Variants in ZNF839 observed in about 807,000 individuals in gnomAD.
The protein encoded by ZNF839 is renal carcinoma antigen NY-REN-50.
Under a neutral mutation model 56.4 loss-of-function variants are expected in ZNF839, and 38 were observed. The ratio of observed to expected loss-of-function variants is 0.67; its 90% CI spans 0.52 to 0.88. The LOEUF is 0.88. Among genes scored for constraint, ZNF839 ranks in the 40% least tolerant of loss-of-function variants. ZNF839 has a pLI of 0.00. For synonymous variants in ZNF839, 486 were observed against 493.5 expected (o/e 0.98, Z 0.20); for missense variants, 1,091 against 1,177.6 (o/e 0.93, Z 1.08).
intron 5 of ZNF839, among the ~76,000 whole-genome samples, chr14:102,337,964 T>C (rs1043552363): frequency 6.6e-6 from 1 of 152,200 alleles, no homozygotes; most frequent in African/African-American, 2.4e-5. Context: ...CTTGTCTGGA[T>C]AAGTCAGGGA....
chr14:102,319,040 TAA>T (rs1465233253), upstream of ZNF839, among the ~76,000 whole-genome samples: 1 of 152,154 alleles, frequency 6.6e-6, no homozygotes, highest in East Asian at 1.9e-4. This position sits in a 1 kb window ranked among gnomAD's most constrained non-coding sequence, Gnocchi z 4.5. Context: ...GCCTCAACCG[TAA>T]GAAGGAGAGG....
intron 1 of ZNF839, among the ~76,000 whole-genome samples, chr14:102,325,021 C>T (rs1467921301): frequency 1.3e-5 from 2 of 152,190 alleles, no homozygotes; most frequent in East Asian, 3.9e-4. Flanking sequence ...GTCATGAAAT[C>T]AACTTAGTGG....
At chr14:102,340,574 C>A (rs1025955287) in intron 7 of ZNF839, among the ~76,000 whole-genome samples, 3 of 152,094 alleles carry the variant, frequency 2.0e-5, no homozygotes, top group Non-Finnish European at 4.4e-5. Flanking sequence ...CGTGCCCAGC[C>A]TGATGGTGAT....
At chr14:102,339,530 A>G (rs1473893623) in intron 7 of ZNF839, among the ~76,000 whole-genome samples, 3 of 152,158 alleles carry the variant, frequency 2.0e-5, no homozygotes, top group African/African-American at 7.2e-5. Flanking sequence ...GGATCACCTG[A>G]CGTCGGGAAT....
At chr14:102,324,330 G>A (rs551892380) in intron 1 of ZNF839, among the ~76,000 whole-genome samples, 1 of 152,240 alleles carries the variant, frequency 6.6e-6, no homozygotes, top group East Asian at 1.9e-4. Context: ...AGATCATGAG[G>A]TCAGGAGTTT....
chr14:102,341,513 T>C lies in ZNF839; in HGVS notation c.2118T>C (p.Tyr706=), dbSNP rs1346528891. The part of the protein sequence containing the change: ...SSRDVSGLPV[Y]AQSGEPRRLT... Reference sequence around the variant, plus strand: ...GGGATGTCAGTGGGCTGCCTGTTTATGCTCAGTCAGGAGAGCCTAGGAGGC... The same window carrying C: ...GGGATGTCAGTGGGCTGCCTGTTTACGCTCAGTCAGGAGAGCCTAGGAGGC... Residue 706 remains tyrosine (Y), a synonymous_variant, in exon 8 of 8, where the codon TAT becomes TAC. Transcript: ENST00000442396. The C allele has an allele frequency of 1.2e-6, 2 of 1,603,950 alleles. No individual in the cohort carries two copies. Among genetic ancestry groups the C allele is most frequent in the African/African-American group, 1.3e-5 (1 of 74,774 alleles).
chr14:102,328,381 T>A (rs1234280665), intron 2 of ZNF839, among the ~76,000 whole-genome samples: 641 of 48,764 alleles, frequency 0.013, 6 homozygotes, highest in African/African-American at 0.032. Flanking sequence ...AAAAAATATA[T>A]ATATATATAT....
rs1597740563 is a variant in ZNF839, at chr14:102,342,003, A to G, written c.2608A>G (p.Met870Val). ...GAGCGTGGTTGCTGTCGGCGAAGCCATGGCTTTTGAAATTTCCAATGGGAG... is the reference window on the plus strand; with the variant it reads ...GAGCGTGGTTGCTGTCGGCGAAGCCGTGGCTTTTGAAATTTCCAATGGGAG... ...LESVVAVGEAMAFEISNGSHE... is the reference protein window; with the variant it reads ...LESVVAVGEAVAFEISNGSHE... The change falls in exon 8 of 8, where the codon ATG becomes GTG. Residue 870 changes from methionine (M) to valine (V), a missense_variant. Met to Val is a conservative substitution (Grantham distance 21). Around this residue, in one of 3 missense-constraint regions of ZNF839, gnomAD observed 431 missense variants for 468.0 expected, o/e 0.92. Transcript: ENST00000442396. 1.2e-6 allele frequency: 2 copies of G among 1,614,032 alleles called. No individual in the cohort carries two copies. The highest frequency in any genetic ancestry group is 8.5e-7 in the Non-Finnish European group (1 of 1,179,872).
chr14:102,319,484 T>C (rs138100902), upstream of ZNF839: 1,127 of 291,526 alleles, frequency 3.9e-3, 25 homozygotes, highest in East Asian at 0.037. The surrounding 1 kb of genome is among the most constrained non-coding windows in gnomAD (Gnocchi z 4.5). Context: ...CCCGAAGACC[T>C]CCCCCTGGGA....
intron 2 of ZNF839, among the ~76,000 whole-genome samples, chr14:102,328,266 T>C (rs2139501022): frequency 6.8e-6 from 1 of 146,532 alleles, no homozygotes; most frequent in African/African-American, 2.5e-5. Flanking sequence ...AGGCAGGAGA[T>C]TTGCTTGAAC....
At chr14:102,335,961 T>G in intron 5 of ZNF839, 123 bp downstream of exon 5, 1 of 1,146,304 alleles carries the variant, frequency 8.7e-7, no homozygotes. Flanking sequence ...GGTGGATCAC[T>G]TGAGGTCAGG....
chr14:102,319,675 G>A (rs1597702748), upstream of ZNF839: 4 of 1,209,276 alleles, frequency 3.3e-6, no homozygotes, highest in East Asian at 1.3e-4. The surrounding 1 kb of genome is among the most constrained non-coding windows in gnomAD (Gnocchi z 4.5). Context: ...CTTGGCCTGC[G>A]AGGCACTCGT....
chr14:102,336,043 G>A (rs1233317704), intron 5 of ZNF839, among the ~76,000 whole-genome samples: 1 of 152,154 alleles, frequency 6.6e-6, no homozygotes, highest in Non-Finnish European at 1.5e-5. Flanking sequence ...GCTGGGCGTG[G>A]TGGCACATGC....
upstream of ZNF839, chr14:102,317,543 T>A (rs1415473999): frequency 6.7e-6 from 1 of 149,602 alleles, no homozygotes; most frequent in Non-Finnish European, 1.5e-5. Flanking sequence ...CGCCTAGTGT[T>A]CCCTGGGCCC....
chr14:102,322,689 C>T (rs1291288379), intron 1 of ZNF839, among the ~76,000 whole-genome samples: 7 of 152,114 alleles, frequency 4.6e-5, no homozygotes, highest in Non-Finnish European at 8.8e-5. Context: ...CTCAGCCTCC[C>T]GAGTAGCTGG....
Position 102,342,185 on chromosome 14 carries a change from G to A in ZNF839, c.*6G>A, listed in dbSNP as rs1886610939. 3 of 1,599,380 alleles carry A rather than the reference G, an allele frequency of 1.9e-6. No individual in the cohort carries two copies. ...CCTGCGGATGGGCCCGCTAGAAGGA[G>A]TTCCTCTAGAAGCTGTGGAGTCGGT... On this transcript the variant is annotated 3_prime_UTR_variant, in exon 8 of 8. Coordinates refer to ENST00000442396, the MANE Select transcript of ZNF839 (RefSeq NM_018335.6).
intron 2 of ZNF839, among the ~76,000 whole-genome samples, chr14:102,328,789 G>A (rs972929757): frequency 1.3e-5 from 2 of 151,992 alleles, no homozygotes; most frequent in Admixed American, 6.6e-5. Context: ...CAAGGTTTAT[G>A]TTGTAGTAAG....
rs1167153338 is a variant in ZNF839 at position 102,326,059 on chromosome 14, C to A, written c.363C>A (p.Thr121=). The A allele has an allele frequency of 3.1e-6, 5 of 1,613,756 alleles. No homozygotes were observed. The highest frequency in any genetic ancestry group is 1.3e-5 in the African/African-American group (1 of 75,040). ...AGGAAAGGCCAATGCTCCTACCGAC[C>A]ACAATCCAGCCCCAAACTGCAAGAA... ...KGQERPMLLP[T]TIQPQTARKS... is the part of the protein sequence containing the mutation. Residue 121 remains threonine (T), a synonymous_variant, in exon 2 of 8, where the codon ACC becomes ACA. Coordinates refer to ENST00000442396, the MANE Select transcript of ZNF839 (RefSeq NM_018335.6). This position sits in a 1 kb window ranked among gnomAD's most constrained non-coding sequence, Gnocchi z 4.3.
rs768114225 is a variant in ZNF839, at chr14:102,341,475, GCT to G, written c.2086_2087del (p.Ser696IlefsTer17). On this transcript the variant is annotated frameshift_variant, in exon 8 of 8. Coordinates refer to ENST00000442396, the MANE Select transcript of ZNF839 (RefSeq NM_018335.6). LOFTEE classifies it low-confidence loss of function (END_TRUNC). ...AGCCAGGAGGGGGTCTATAGGTGCT[GCT>G]CTCTCATCCCGGGATGTCAGTGGGC... ...LEARRGSIGA[A>X]LSSRDVSGLP... is the part of the protein sequence containing the mutation. 7.5e-6 allele frequency: 12 copies of G among 1,597,880 alleles called. No homozygotes were observed. In the East Asian group the frequency reaches 1.6e-4, roughly 21 times the overall value.
Sources: gnomAD v4.1 joint callset for allele counts (sites outside exome capture counted in the v4.1 genomes callset) on GRCh38, gnomAD v4.1.1 for gene constraint, gnomAD v4.1.1 regional missense constraint, Gnocchi (gnomAD v3.1) non-coding constraint, MANE v1.5 for transcripts, NCBI Gene and HGNC (gene_info 2026-07-23, HGNC 2026-07-21) for gene names.